The following DNAH11 variants were observed in gnomAD, a reference collection of about 807,000 sequenced individuals.
The protein encoded by DNAH11 is axonemal beta dynein heavy chain 11.
Under a neutral mutation model 526.0 loss-of-function variants are expected in DNAH11, and 442 were observed. The ratio of observed to expected loss-of-function variants is 0.84; its 90% CI spans 0.78 to 0.91. The LOEUF (loss-of-function observed/expected upper bound fraction) is 0.91, where lower values mean the gene tolerates loss of function less well. Among genes scored for constraint, DNAH11 ranks in the 40% least tolerant of loss-of-function variants. DNAH11 has a pLI of 0.00. For synonymous variants in DNAH11, 2,461 were observed against 1,935.9 expected (o/e 1.27, Z -7.12); for missense variants, 6,989 against 5,448.7 (o/e 1.28, Z -8.90).
intron 17 of DNAH11, 75 bp from the exon 18 acceptor site, chr7:21,601,321 A>T: frequency 2.0e-6 from 3 of 1,465,486 alleles, no homozygotes. Flanking sequence ...AATAAGATTC[A>T]ATCAGAAGTC....
chr7:21,722,431 A>C (rs576538453), intron 44 of DNAH11, among the ~76,000 whole-genome samples: 1 of 152,176 alleles, frequency 6.6e-6, no homozygotes, highest in South Asian at 2.1e-4. Context: ...TAAATGGGGC[A>C]TTTACATTGA....
intron 7 of DNAH11, 26 bp from the exon 8 acceptor site, chr7:21,571,780 A>G (rs764338338): frequency 1.9e-6 from 3 of 1,566,276 alleles, no homozygotes; most frequent in Admixed American, 3.8e-5. Context: ...TGTAGTGGAA[A>G]GGTCTTTACT....
chr7:21,594,315 A>G (rs1784794379), intron 14 of DNAH11, among the ~76,000 whole-genome samples: 1 of 152,132 alleles, frequency 6.6e-6, no homozygotes. Flanking sequence ...TTTGCAGTCC[A>G]TCATCATTCA....
Position 21,866,672 on chromosome 7 carries a change from G to T in DNAH11, c.11690+9G>T, listed in dbSNP as rs1253461146. ...ATGACGTATGCTCTCAGGTGGGGTGGTCAGCATTTTTGGAAACATGTATTA... is the reference window on the plus strand; with the variant it reads ...ATGACGTATGCTCTCAGGTGGGGTGTTCAGCATTTTTGGAAACATGTATTA... On this transcript the variant is annotated intron_variant, in intron 71 of 81. Coordinates refer to ENST00000409508, the MANE Select transcript of DNAH11 (RefSeq NM_001277115.2). 2 of 1,599,186 alleles carry T rather than the reference G, an allele frequency of 1.3e-6. No individual in the cohort carries two copies. The highest frequency in any genetic ancestry group is 1.7e-6 in the Non-Finnish European group (2 of 1,173,542).
At chr7:21,857,521 C>G (rs1357093900) in intron 68 of DNAH11, among the ~76,000 whole-genome samples, 1 of 125,042 alleles carries the variant, frequency 8.0e-6, no homozygotes, top group Admixed American at 8.3e-5. Flanking sequence ...AATAGCTAAA[C>G]AATTTTGAAA....
At chr7:21,876,136 G>T (rs757039296) in intron 74 of DNAH11, among the ~76,000 whole-genome samples, 2 of 152,098 alleles carry the variant, frequency 1.3e-5, no homozygotes, top group South Asian at 4.2e-4. Context: ...TGCCCGCCTC[G>T]GCATCCGAAG....
At chr7:21,586,086 C>G (rs1027553516) in intron 9 of DNAH11, among the ~76,000 whole-genome samples, 3 of 152,170 alleles carry the variant, frequency 2.0e-5, no homozygotes, top group African/African-American at 7.2e-5. Flanking sequence ...AACATTGAGA[C>G]TTTTCCTACT....
Position 21,639,007 on chromosome 7 carries a change from A to T in DNAH11, c.4886A>T (p.Tyr1629Phe). 6.2e-7 allele frequency: 1 copy of T among 1,613,560 alleles called. No homozygotes were observed. Residue 1629 changes from tyrosine to phenylalanine, a missense_variant, in exon 28 of 82, where the codon TAT becomes TTT. Physicochemically the swap from Tyr to Phe is conservative, Grantham distance 22. Coordinates refer to ENST00000409508, the MANE Select transcript of DNAH11 (RefSeq NM_001277115.2). ...ETKRIAFPRF[Y>F]FVSSADLLDI... ...AAGCGCATAGCCTTTCCTCGCTTCT[A>T]TTTCGTCTCTTCTGCTGATTTACTT...
In DNAH11 at chr7:21,570,269, C is replaced by T; in HGVS notation, c.1395C>T (p.Asp465=). 6.2e-7 allele frequency: 1 copy of T among 1,609,666 alleles called. No individual in the cohort carries two copies. The highest frequency in any genetic ancestry group is 8.5e-7 in the Non-Finnish European group (1 of 1,178,754). Residue 465 remains aspartate, a synonymous_variant, in exon 7 of 82, where the codon GAC becomes GAT. Transcript: ENST00000409508. ...CTCATCTGGTGTTTTGCAGATTTGA[C>T]AAGTTTCTTGATCGTTTAATAAAAA... ...FQSHLVFCRF[D]KFLDRLIKIE... is the part of the protein sequence containing the mutation.
chr7:21,622,188 G>A (rs1341840992), intron 25 of DNAH11, among the ~76,000 whole-genome samples: 6 of 152,086 alleles, frequency 3.9e-5, no homozygotes, highest in Non-Finnish European at 8.8e-5. Flanking sequence ...GACAAACAGA[G>A]AGCCAAATCC....
chr7:21,722,627 C>A (rs1035038264), intron 44 of DNAH11, among the ~76,000 whole-genome samples: 8 of 152,094 alleles, frequency 5.3e-5, no homozygotes, highest in Admixed American at 4.6e-4. Flanking sequence ...TTCAGCCATT[C>A]TCAGAAGCCA....
Position 21,763,352 on chromosome 7 carries a change from A to AAG in DNAH11, c.8941-2075_8941-2074insGA, listed in dbSNP as rs1554278424. 8.3e-4 allele frequency among the ~76,000 whole-genome samples: 93 copies of AAG among 112,334 alleles called. 7 individuals are homozygous for AAG. Among genetic ancestry groups the AAG allele is most frequent in the East Asian group, 2.7e-3 (12 of 4,404 alleles). The allele number at this position is 112,334 out of a possible 152,430, so 73.7% of individuals were successfully genotyped here. ...GCAAGACTGTCTCAAAAAAAAAAAA[A>AAG]AAAAGAAAAAAAAAAAGACTTACAA... is the stretch of plus-strand genomic sequence containing the variant. On this transcript the variant is annotated intron_variant, in intron 54 of 81. Transcript: ENST00000409508.
At chr7:21,694,982 T>C (rs1783786870) in intron 35 of DNAH11, among the ~76,000 whole-genome samples, 1 of 152,132 alleles carries the variant, frequency 6.6e-6, no homozygotes, top group African/African-American at 2.4e-5. Context: ...AAGTTTGAAC[T>C]CCCATTCACA....
At chr7:21,691,742 A>G (rs1156837921) in intron 35 of DNAH11, among the ~76,000 whole-genome samples, 1 of 152,192 alleles carries the variant, frequency 6.6e-6, no homozygotes, top group East Asian at 1.9e-4. Flanking sequence ...AACCTTTAGA[A>G]ATATCATTTT....
chr7:21,801,380 C>T, intron 62 of DNAH11, 105 bp downstream of exon 62: 1 of 1,432,264 alleles, frequency 7.0e-7, no homozygotes, highest in East Asian at 2.4e-5. Context: ...GAATTAACAA[C>T]AAAGGATAAT....
At position 21,687,249 on chromosome 7, in the gene DNAH11, C is replaced by T; in HGVS notation, c.5772C>T (p.Asp1924=). Residue 1924 remains aspartate, a synonymous_variant, in exon 33 of 82, where the codon GAC becomes GAT. Coordinates refer to ENST00000409508, the MANE Select transcript of DNAH11 (RefSeq NM_001277115.2). ...VYVFNCSEQM[D]YKSIGNIYKG... ...TATTCAACTGTTCAGAGCAAATGGA[C>T]TACAAAGTAAGTTAGTAAGAGAATA... 1 of 1,578,868 alleles carries T rather than the reference C, an allele frequency of 6.3e-7. No individual in the cohort carries two copies. Among genetic ancestry groups the T allele is most frequent in the Non-Finnish European group, 8.6e-7 (1 of 1,163,044 alleles).
intron 65 of DNAH11, among the ~76,000 whole-genome samples, chr7:21,836,299 C>T (rs115042469): frequency 0.012 from 1,799 of 152,008 alleles, 37 homozygotes; most frequent in African/African-American, 0.04. Context: ...CCAAACCAAC[C>T]TTGAGCAAAA....
At chr7:21,562,280 T>C (rs1033837795) in intron 5 of DNAH11, among the ~76,000 whole-genome samples, 3 of 152,214 alleles carry the variant, frequency 2.0e-5, no homozygotes, top group Admixed American at 2.0e-4. Flanking sequence ...CTTTACCTGC[T>C]GGCTCCATCC....
At position 21,851,669 on chromosome 7, in the gene DNAH11, C is replaced by T. The variant is rs80109002; in HGVS notation, c.10897-798C>T. 1,020 of 471,044 alleles carry T rather than the reference C, an allele frequency of 2.2e-3. 11 individuals carry two copies. The highest frequency in any genetic ancestry group is 0.018 in the African/African-American group (923 of 50,162). 29.2% of individuals were successfully genotyped at this position (471,044 alleles called of 1,614,324 possible). A position where few individuals can be genotyped will look rare whatever the true frequency, so the allele number is the denominator to read the frequency against. On this transcript the variant is annotated intron_variant, in intron 66 of 81. Transcript: ENST00000409508. ...AAAACTCAAAGAAGTGTAGAGACTA[C>T]GAAGACTGGGCCCCTCTGAAGTTTT...
Sources: allele counts gnomAD v4.1 joint callset (sites outside exome capture counted in the v4.1 genomes callset), GRCh38; gene constraint gnomAD v4.1.1; transcripts MANE v1.5; gene names NCBI Gene and HGNC (gene_info 2026-07-23, HGNC 2026-07-21).